The following SEPTIN11 variants were observed in gnomAD, a reference collection of about 807,000 sequenced individuals.
The protein encoded by SEPTIN11 is septin 11.
Under a neutral mutation model 51.4 loss-of-function variants are expected in SEPTIN11, and 25 were observed. That is an observed-to-expected ratio of 0.49 (90% CI 0.35 to 0.68). SEPTIN11 has a LOEUF of 0.68. SEPTIN11 is among the 30% of genes least tolerant of loss of function. The pLI, the probability that SEPTIN11 is intolerant of heterozygous loss-of-function variation, is 0.00. For synonymous variants in SEPTIN11, 174 were observed against 184.1 expected (o/e 0.95, Z 0.44); for missense variants, 381 against 520.8 (o/e 0.73, Z 2.61).
chr4:76,974,871 C>A, intron 1 of SEPTIN11: 1 of 456,372 alleles, frequency 2.2e-6, no homozygotes, highest in South Asian at 1.5e-5. Flanking sequence ...GCCTGTAATC[C>A]CAACACTTTG....
chr4:76,949,819 G>C lies in SEPTIN11; in HGVS notation c.-85G>C. On this transcript the variant is annotated 5_prime_UTR_variant, in exon 1 of 10. Coordinates refer to ENST00000264893, the MANE Select transcript of SEPTIN11 (RefSeq NM_018243.4). ...GCGCAGCCGCGAGGGAGGCGCGAGGGAGGCGAGCCGGAGCCCGAGCACTAG... is the reference window on the plus strand; with the variant it reads ...GCGCAGCCGCGAGGGAGGCGCGAGGCAGGCGAGCCGGAGCCCGAGCACTAG... 7.0e-7 allele frequency: 1 copy of C among 1,426,040 alleles called. No homozygotes were observed. Among genetic ancestry groups the C allele is most frequent in the Non-Finnish European group, 9.4e-7 (1 of 1,063,826 alleles). The allele number at this position is 1,426,040 out of a possible 1,614,324, so 88.3% of individuals were successfully genotyped here.
In SEPTIN11 at chr4:77,018,246, C is replaced by G. The variant is rs191175915; in HGVS notation, c.688-919C>G. 3.9e-5 allele frequency among the ~76,000 whole-genome samples: 6 copies of G among 152,150 alleles called. No individual in the cohort carries two copies. In the South Asian group the frequency reaches 8.3e-4, roughly 21 times the overall value. On this transcript the variant is annotated intron_variant, in intron 5 of 9. Coordinates refer to ENST00000264893, the MANE Select transcript of SEPTIN11 (RefSeq NM_018243.4). ...CGGGCGGATCACAAGGTCAGGAGAT[C>G]GAGACCATCCTGGCTAACACGGTGA...
chr4:76,995,250 C>T (rs192760647), intron 1 of SEPTIN11, among the ~76,000 whole-genome samples: 32 of 152,004 alleles, frequency 2.1e-4, no homozygotes, highest in East Asian at 1.2e-3. Context: ...GGCGTGGTGG[C>T]GCGTGCCTAT....
chr4:76,984,650 C>T lies in SEPTIN11; in HGVS notation c.28-11775C>T, dbSNP rs1722930819. Among the ~76,000 whole-genome samples, 1 of 152,184 alleles carries T rather than the reference C, an allele frequency of 6.6e-6. No individual in the cohort carries two copies. Among genetic ancestry groups the T allele is most frequent in the Admixed American group, 6.5e-5 (1 of 15,278 alleles). The stretch of plus-strand genomic sequence containing the variant: ...AAAAACTTCCAACTGCTTTGAGCCT[C>T]TTAATTCTATTTGACCTCCTATTCG... On this transcript the variant is annotated intron_variant, in intron 1 of 9. Transcript: ENST00000264893. This position sits in a 1 kb window ranked among gnomAD's most constrained non-coding sequence, Gnocchi z 4.1.
chr4:76,970,939 C>T (rs1434288865), intron 1 of SEPTIN11, among the ~76,000 whole-genome samples: 2 of 152,142 alleles, frequency 1.3e-5, no homozygotes, highest in Admixed American at 1.3e-4. Context: ...AAACTACCAA[C>T]ATGCTTGATG....
intron 1 of SEPTIN11, among the ~76,000 whole-genome samples, chr4:76,992,328 T>A (rs1031732129): frequency 6.6e-6 from 1 of 152,226 alleles, no homozygotes; most frequent in Non-Finnish European, 1.5e-5. Context: ...TTTAATGTAT[T>A]GGATTTTTAT....
At chr4:77,004,583 C>T (rs1460452359) in intron 2 of SEPTIN11, among the ~76,000 whole-genome samples, 1 of 152,168 alleles carries the variant, frequency 6.6e-6, no homozygotes, top group Non-Finnish European at 1.5e-5. Context: ...GCAAGTTACT[C>T]ATAAATCTTA....
At chr4:76,955,165 A>G (rs1011000164) in intron 1 of SEPTIN11, among the ~76,000 whole-genome samples, 1 of 152,150 alleles carries the variant, frequency 6.6e-6, no homozygotes, top group Admixed American at 6.6e-5. Flanking sequence ...ATAATCCTCA[A>G]CACCCTAACA....
chr4:76,975,214 G>A (rs1390677711), intron 1 of SEPTIN11, among the ~76,000 whole-genome samples: 1 of 151,778 alleles, frequency 6.6e-6, no homozygotes, highest in Non-Finnish European at 1.5e-5. Context: ...TGCCTCTCGT[G>A]TGTGTATCTC....
At chr4:77,031,740 C>T (rs1048880185) in intron 9 of SEPTIN11, 3 of 152,154 alleles carry the variant, frequency 2.0e-5, no homozygotes, top group African/African-American at 4.8e-5. Flanking sequence ...TCAATGCTAT[C>T]GGTTTTGACA....
chr4:76,986,272 A>C (rs1340978435), intron 1 of SEPTIN11, among the ~76,000 whole-genome samples: 1 of 151,728 alleles, frequency 6.6e-6, no homozygotes. Flanking sequence ...TGGCGTGAAA[A>C]AAATAGGAGG....
At position 77,011,626 on chromosome 4, in the gene SEPTIN11, A is replaced by G. The variant is rs7656485; in HGVS notation, c.339-109A>G. On this transcript the variant is annotated intron_variant, in intron 3 of 9. Transcript: ENST00000264893. ...GATGGAAGGCCTGGATACCTAGGTA[A>G]GGACTTGGGCTTTAGCCCTTAGGAG... The G allele has an allele frequency of 2.7e-3, 2,613 of 975,718 alleles. 46 individuals are homozygous for G. The African/African-American group carries it at 0.037, about 14-fold the overall frequency. 60.4% of individuals were successfully genotyped at this position (975,718 alleles called of 1,614,324 possible).
At position 77,009,430 on chromosome 4, in the gene SEPTIN11, A is replaced by G. The variant is rs564045876; in HGVS notation, c.339-2305A>G. ...TGGAGGTAGAGATTTATGACTTGTC[A>G]TCAGATAGATGGTGAGTGGAACACA... On this transcript the variant is annotated intron_variant, in intron 3 of 9. Coordinates refer to ENST00000264893, the MANE Select transcript of SEPTIN11 (RefSeq NM_018243.4). Among the ~76,000 whole-genome samples, 90 of 152,364 alleles carry G rather than the reference A, an allele frequency of 5.9e-4. 1 individual carries two copies. Among genetic ancestry groups the G allele is most frequent in the Non-Finnish European group, 1.2e-3 (83 of 68,036 alleles).
chr4:77,032,061 T>A (rs1225053202), intron 9 of SEPTIN11: 1 of 152,158 alleles, frequency 6.6e-6, no homozygotes, highest in Non-Finnish European at 1.5e-5. Context: ...GTGAGCACAG[T>A]GCTATTGTCC....
intron 1 of SEPTIN11, among the ~76,000 whole-genome samples, chr4:76,990,858 C>A (rs1723340553): frequency 6.6e-6 from 1 of 152,186 alleles, no homozygotes; most frequent in African/African-American, 2.4e-5. Context: ...ATCCAGAATG[C>A]TTCCCAGCTG....
intron 1 of SEPTIN11, among the ~76,000 whole-genome samples, chr4:76,958,382 T>A (rs1721654296): frequency 6.6e-6 from 1 of 152,218 alleles, no homozygotes; most frequent in African/African-American, 2.4e-5. Flanking sequence ...GGCCCCAGCC[T>A]CAGCCCTCAG....
intron 1 of SEPTIN11, among the ~76,000 whole-genome samples, chr4:76,995,132 C>T (rs1723614695): frequency 6.6e-6 from 1 of 151,396 alleles, no homozygotes. Flanking sequence ...GCCTGTAATC[C>T]CAGCACTTTG....
intron 2 of SEPTIN11, among the ~76,000 whole-genome samples, chr4:76,999,630 C>A (rs1417955677): frequency 6.6e-6 from 1 of 152,028 alleles, no homozygotes; most frequent in Non-Finnish European, 1.5e-5. Context: ...GTGGCGTGAA[C>A]CTGTAGGTTG....
At chr4:77,023,103 G>A (rs745741644) in intron 7 of SEPTIN11, among the ~76,000 whole-genome samples, 2 of 152,114 alleles carry the variant, frequency 1.3e-5, no homozygotes, top group Admixed American at 6.6e-5. Context: ...TGCTGGGCAA[G>A]CCCACTGCTT....
Sources: allele counts gnomAD v4.1 joint callset (sites outside exome capture counted in the v4.1 genomes callset), GRCh38; gene constraint gnomAD v4.1.1; non-coding constraint Gnocchi (gnomAD v3.1); transcripts MANE v1.5; gene names NCBI Gene and HGNC (gene_info 2026-07-23, HGNC 2026-07-21).